The following RIPOR3 variants were observed in gnomAD, a reference collection of about 807,000 sequenced individuals.
RIPOR3 encodes RIPOR family member 3.
Under a neutral mutation model 114.3 loss-of-function variants are expected in RIPOR3, and 95 were observed. That is an observed-to-expected ratio of 0.83 (90% CI 0.70 to 0.99). The LOEUF (loss-of-function observed/expected upper bound fraction) is 0.99, where lower values mean the gene tolerates loss of function less well. Among genes scored for constraint, RIPOR3 ranks in the 50% least tolerant of loss-of-function variants. The probability of loss-of-function intolerance (pLI) is 0.00; values close to 1 mark genes in which losing one functional copy is unlikely to be tolerated. For missense variants in RIPOR3, 1,252 were observed against 1,266.9 expected, an observed-to-expected ratio of 0.99 and a Z score of 0.18; for synonymous variants, 575 against 543.8, an observed-to-expected ratio of 1.06 and a Z score of -0.80.
At chr20:50,632,869 C>T (rs1056945717) in intron 1 of RIPOR3, among the ~76,000 whole-genome samples, 4 of 152,322 alleles carry the variant, frequency 2.6e-5, no homozygotes, top group South Asian at 2.1e-4. Flanking sequence ...GTCTTACCTG[C>T]GGTCAGGAGA....
chr20:50,683,634 G>C (rs1295721866), intron 1 of RIPOR3, among the ~76,000 whole-genome samples: 1 of 151,490 alleles, frequency 6.6e-6, no homozygotes, highest in Admixed American at 6.6e-5. Flanking sequence ...TGTATTTTTA[G>C]TAGAGACGGG....
intron 2 of RIPOR3, among the ~76,000 whole-genome samples, chr20:50,626,755 C>T (rs1421421911): frequency 6.6e-6 from 1 of 152,242 alleles, no homozygotes; most frequent in Non-Finnish European, 1.5e-5. Flanking sequence ...GGCGCGGTGG[C>T]TCACGTCTGT....
chr20:50,664,958 C>T (rs1007596398), intron 1 of RIPOR3, among the ~76,000 whole-genome samples: 3 of 151,752 alleles, frequency 2.0e-5, no homozygotes, highest in African/African-American at 7.3e-5. Flanking sequence ...AAAAATTAGC[C>T]AGGCATGGTG....
intron 1 of RIPOR3, among the ~76,000 whole-genome samples, chr20:50,654,801 A>G (rs917282785): frequency 1.3e-5 from 2 of 152,084 alleles, no homozygotes; most frequent in African/African-American, 4.8e-5. Context: ...GCTGGTGTAC[A>G]GTGGTGCCAT....
intron 1 of RIPOR3, among the ~76,000 whole-genome samples, chr20:50,670,453 A>G (rs1473699242): frequency 6.7e-6 from 1 of 149,258 alleles, no homozygotes; most frequent in Non-Finnish European, 1.5e-5. Flanking sequence ...CTAAAGGCCT[A>G]AAGTACTGGA....
At chr20:50,612,124 CA>C (rs542382125) in intron 4 of RIPOR3, among the ~76,000 whole-genome samples, 10,423 of 89,060 alleles carry the variant, frequency 0.12, 349 homozygotes, top group Middle Eastern at 0.21. Context: ...GACTCCATCT[CA>C]AAAAAAAAAA....
intron 13 of RIPOR3, among the ~76,000 whole-genome samples, chr20:50,598,847 G>A (rs2083393905): frequency 6.6e-6 from 1 of 150,378 alleles, no homozygotes; most frequent in Admixed American, 6.6e-5. Flanking sequence ...GGAGGTTGCA[G>A]TGAGCCAAGA....
At chr20:50,642,395 GGA>G in intron 1 of RIPOR3, among the ~76,000 whole-genome samples, 1 of 150,764 alleles carries the variant, frequency 6.6e-6, no homozygotes, top group Non-Finnish European at 1.5e-5. Flanking sequence ...AGAGAAACAG[GGA>G]GAGAGATACA....
At position 50,691,483 on chromosome 20, in the gene RIPOR3, C is replaced by G. The variant is rs546330688; in HGVS notation, c.-355G>C. 1.7e-4 allele frequency: 36 copies of G among 217,050 alleles called. No individual in the cohort carries two copies. Among genetic ancestry groups the G allele is most frequent in the East Asian group, 1.2e-3 (8 of 6,766 alleles). 13.4% of individuals were successfully genotyped at this position (217,050 alleles called of 1,614,324 possible). Reference sequence around the variant, plus strand: ...GGCCCCCCAGCCGGCCCCGCTCCCCCCGGATGCCGCCTGCTGCTCTGGACG... The same window carrying G: ...GGCCCCCCAGCCGGCCCCGCTCCCCGCGGATGCCGCCTGCTGCTCTGGACG... On this transcript the variant is annotated 5_prime_UTR_variant, in exon 1 of 22. Transcript: ENST00000327979.
intron 1 of RIPOR3, among the ~76,000 whole-genome samples, chr20:50,644,711 G>T (rs537745127): frequency 4.4e-4 from 56 of 127,898 alleles, no homozygotes; most frequent in Non-Finnish European, 8.2e-4. Flanking sequence ...TTGTAGAGAC[G>T]GAGTTTCACC....
At chr20:50,652,301 A>G (rs2085638824) in intron 1 of RIPOR3, among the ~76,000 whole-genome samples, 1 of 152,146 alleles carries the variant, frequency 6.6e-6, no homozygotes. Context: ...CACTCAAGAA[A>G]TCACCGAGGC....
chr20:50,633,431 C>T (rs1211846250), intron 1 of RIPOR3, among the ~76,000 whole-genome samples: 2 of 152,192 alleles, frequency 1.3e-5, no homozygotes, highest in Non-Finnish European at 2.9e-5. Flanking sequence ...GGTTGTTAAA[C>T]ACGTATGAGC....
chr20:50,608,564 G>A, intron 10 of RIPOR3, 30 bp from the exon 11 acceptor site: 1 of 1,613,654 alleles, frequency 6.2e-7, no homozygotes. Flanking sequence ...GGTGGTGTCT[G>A]AGCCGAACAC....
intron 1 of RIPOR3, among the ~76,000 whole-genome samples, chr20:50,684,687 G>A (rs1355108710): frequency 6.6e-6 from 1 of 152,190 alleles, no homozygotes; most frequent in Non-Finnish European, 1.5e-5. Context: ...AGACACCATG[G>A]CCGCTGGGAC....
At chr20:50,603,144 G>A (rs1162958589) in intron 12 of RIPOR3, among the ~76,000 whole-genome samples, 3 of 152,198 alleles carry the variant, frequency 2.0e-5, no homozygotes, top group Non-Finnish European at 4.4e-5. Context: ...TGCACTTCTC[G>A]GATTTTGATA....
chr20:50,597,595 C>T lies in RIPOR3; in HGVS notation c.1775G>A (p.Gly592Asp), dbSNP rs559432038. ...GTGCACTCACCGGAGACCCTGGGAG[C>T]CCCCAAACAGGGACAGCTCATCCAG... Reference protein sequence around the residue: ...FALDELSLFGGSQGLRKDRPL... With the variant: ...FALDELSLFGDSQGLRKDRPL... The change falls in exon 14 of 22, where the codon GGC becomes GAC. Residue 592 changes from glycine (G) to aspartate (D), a missense_variant. Transcript: ENST00000327979. The T allele has an allele frequency of 1.1e-5, 17 of 1,607,488 alleles. No individual in the cohort carries two copies. In the South Asian group the frequency reaches 1.7e-4, roughly 16 times the overall value.
chr20:50,637,428 C>T (rs1369863207), intron 1 of RIPOR3, among the ~76,000 whole-genome samples: 1 of 152,140 alleles, frequency 6.6e-6, no homozygotes, highest in Non-Finnish European at 1.5e-5. Context: ...CTCCCTGACC[C>T]CCTTGGCTAA....
intron 1 of RIPOR3, among the ~76,000 whole-genome samples, chr20:50,684,976 T>C (rs1361360185): frequency 1.3e-5 from 2 of 152,288 alleles, no homozygotes; most frequent in African/African-American, 4.8e-5. Flanking sequence ...ACAAAGGTCT[T>C]GCTATGTTGA....
chr20:50,608,857 T>C, intron 9 of RIPOR3, 55 bp downstream of exon 9: 1 of 1,606,534 alleles, frequency 6.2e-7, no homozygotes, highest in Admixed American at 1.7e-5. Flanking sequence ...GCAGCTCCCG[T>C]CCCCCAAAGA....
Sources: allele counts gnomAD v4.1 joint callset (sites outside exome capture counted in the v4.1 genomes callset), GRCh38; gene constraint gnomAD v4.1.1; transcripts MANE v1.5; gene names NCBI Gene and HGNC (gene_info 2026-07-23, HGNC 2026-07-21).